The following MIB1 variants were observed in gnomAD, a reference collection of about 807,000 sequenced individuals.
The protein encoded by MIB1 is E3 ubiquitin-protein ligase MIB1.
In MIB1, 278 loss-of-function variants were observed where a neutral mutation model predicts 124.5. That is an observed-to-expected ratio of 2.23 (90% CI 2.02 to 2.47). The LOEUF is 2.47. Ranked by LOEUF, MIB1 falls within the 30% of genes most tolerant of loss-of-function variation. The pLI, the probability that MIB1 is intolerant of heterozygous loss-of-function variation, is 0.00. For synonymous variants in MIB1, 446 were observed against 429.4 expected, an observed-to-expected ratio of 1.04 and a Z score of -0.48; for missense variants, 957 against 1,254.4, an observed-to-expected ratio of 0.76 and a Z score of 3.58.
chr18:21,777,517 T>C (rs1181670259), intron 4 of MIB1, among the ~76,000 whole-genome samples: 1 of 152,206 alleles, frequency 6.6e-6, no homozygotes. Context: ...ATTATAAGCA[T>C]TTTAGTCTAA....
At chr18:21,773,886 C>T (rs889502947) in intron 4 of MIB1, among the ~76,000 whole-genome samples, 158 bp downstream of exon 4, 1 of 152,006 alleles carries the variant, frequency 6.6e-6, no homozygotes, top group African/African-American at 2.4e-5. Flanking sequence ...TATGATTTGC[C>T]TTTAGTTTAA....
In MIB1 at chr18:21,844,269, C is replaced by T; in HGVS notation, c.2211+16C>T. 6.2e-7 allele frequency: 1 copy of T among 1,612,638 alleles called. No individual in the cohort carries two copies. The highest frequency in any genetic ancestry group is 8.5e-7 in the Non-Finnish European group (1 of 1,179,034). On this transcript the variant is annotated intron_variant, in intron 15 of 20. Coordinates refer to ENST00000261537, the MANE Select transcript of MIB1 (RefSeq NM_020774.4). ...CAAAAACACGGTGAGTAAAGATCAT[C>T]TTTCATTCAGTACCAGTGGAAGAAT...
chr18:21,797,798 A>G (rs768068553), intron 7 of MIB1, among the ~76,000 whole-genome samples: 5 of 152,204 alleles, frequency 3.3e-5, no homozygotes, highest in African/African-American at 9.6e-5. Flanking sequence ...TACAGATTTC[A>G]GAAGTAAGGA....
intron 12 of MIB1, chr18:21,825,748 G>T (rs574177540): frequency 1.9e-6 from 1 of 529,956 alleles, no homozygotes; most frequent in Admixed American, 2.0e-5. Context: ...TTGAAGAGGC[G>T]ATTTGGTTCC....
chr18:21,802,195 T>C (rs2041657934), intron 9 of MIB1, among the ~76,000 whole-genome samples: 2 of 152,156 alleles, frequency 1.3e-5, no homozygotes, highest in Admixed American at 1.3e-4. Context: ...AGCATGATGA[T>C]ATTTTGTCTT....
chr18:21,843,567 T>A (rs570080944), intron 14 of MIB1, among the ~76,000 whole-genome samples: 1 of 152,374 alleles, frequency 6.6e-6, no homozygotes, highest in African/African-American at 2.4e-5. Context: ...TAGGGGGTTG[T>A]AGTTTAGCAA....
intron 6 of MIB1, among the ~76,000 whole-genome samples, chr18:21,782,384 A>G (rs1273168179): frequency 1.3e-5 from 2 of 152,170 alleles, no homozygotes; most frequent in African/African-American, 4.8e-5. Context: ...TGGCCTCCCA[A>G]AGTACTGGGA....
intron 12 of MIB1, among the ~76,000 whole-genome samples, chr18:21,822,820 C>T (rs2041890904): frequency 6.6e-6 from 1 of 152,080 alleles, no homozygotes; most frequent in Non-Finnish European, 1.5e-5. Flanking sequence ...AGAAAACCAG[C>T]AGGGTGTGGT....
chr18:21,833,844 A>G (rs996625462), intron 12 of MIB1, among the ~76,000 whole-genome samples: 6 of 152,342 alleles, frequency 3.9e-5, no homozygotes, highest in Middle Eastern at 6.8e-3. Flanking sequence ...CTTTGGCACT[A>G]TTCACAAATG....
chr18:21,776,616 T>C (rs2041290637), intron 4 of MIB1, among the ~76,000 whole-genome samples: 2 of 152,178 alleles, frequency 1.3e-5, no homozygotes. Flanking sequence ...TTCAGATACT[T>C]AGTAATTTGT....
intron 17 of MIB1, among the ~76,000 whole-genome samples, 200 bp downstream of exon 17, chr18:21,849,588 G>A (rs2042164932): frequency 3.3e-5 from 5 of 152,166 alleles, no homozygotes; most frequent in South Asian, 2.1e-4. Context: ...GCTTATTAAT[G>A]TACTGATTTG....
At chr18:21,796,828 G>C (rs3017027) in intron 7 of MIB1, among the ~76,000 whole-genome samples, 73,961 of 152,028 alleles carry the variant, frequency 0.49, 21,634 homozygotes, top group African/African-American at 0.83. Flanking sequence ...AAGGACCTAG[G>C]AGCCAACTTG....
intron 1 of MIB1, among the ~76,000 whole-genome samples, chr18:21,744,750 G>T (rs2040893878): frequency 6.6e-6 from 1 of 152,178 alleles, no homozygotes; most frequent in South Asian, 2.1e-4. Context: ...CCTTGTTAGT[G>T]CATCGTACCA....
At chr18:21,716,852 A>G (rs1292302555) in intron 1 of MIB1, among the ~76,000 whole-genome samples, 2 of 148,650 alleles carry the variant, frequency 1.3e-5, no homozygotes, top group African/African-American at 4.9e-5. Context: ...ACTCTATCTC[A>G]AAAAAAAAAG....
intron 4 of MIB1, among the ~76,000 whole-genome samples, chr18:21,775,097 C>G (rs2041268211): frequency 6.6e-6 from 1 of 152,058 alleles, no homozygotes; most frequent in Non-Finnish European, 1.5e-5. Context: ...AGGCGCCCAC[C>G]ACCACGCCCG....
intron 19 of MIB1, 59 bp from the exon 20 acceptor site, chr18:21,858,487 A>G: frequency 1.3e-6 from 1 of 795,116 alleles, no homozygotes; most frequent in Non-Finnish European, 2.1e-6. Flanking sequence ...ATTTTATTTT[A>G]TAAATGTCAT....
intron 2 of MIB1, among the ~76,000 whole-genome samples, chr18:21,767,670 C>G (rs535454818): frequency 6.6e-6 from 1 of 152,216 alleles, no homozygotes; most frequent in Non-Finnish European, 1.5e-5. Context: ...GCCTCAGCCT[C>G]CCGAGTAGCT....
intron 1 of MIB1, among the ~76,000 whole-genome samples, chr18:21,706,788 C>T (rs1185816455): frequency 1.3e-5 from 2 of 152,206 alleles, no homozygotes; most frequent in African/African-American, 4.8e-5. Context: ...CCCGCCATGC[C>T]TGAGCCGCAC....
chr18:21,805,879 A>G (rs1258330998), intron 10 of MIB1, among the ~76,000 whole-genome samples: 1 of 149,996 alleles, frequency 6.7e-6, no homozygotes, highest in East Asian at 1.9e-4. Context: ...ACTGTTTTTC[A>G]AGAGTAATTT....
Sources: allele counts gnomAD v4.1 joint callset (sites outside exome capture counted in the v4.1 genomes callset), GRCh38; gene constraint gnomAD v4.1.1; transcripts MANE v1.5; gene names NCBI Gene and HGNC (gene_info 2026-07-23, HGNC 2026-07-21).